The following ZNF532 variants were observed in gnomAD, a reference collection of about 807,000 sequenced individuals.
ZNF532 encodes zinc finger protein 532.
Under a neutral mutation model 89.3 loss-of-function variants are expected in ZNF532, and 22 were observed. The observed-to-expected ratio is 0.25, with a 90% CI of 0.18 to 0.35. ZNF532 has a LOEUF of 0.35. Among genes scored for constraint, ZNF532 ranks in the 10% least tolerant of loss-of-function variants. The pLI is 1.00. For synonymous variants in ZNF532, 606 were observed against 649.6 expected (o/e 0.93, Z 1.02); for missense variants, 1,132 against 1,643.4 (o/e 0.69, Z 5.38).
intron 7 of ZNF532, among the ~76,000 whole-genome samples, chr18:58,973,611 T>C (rs1257510259): frequency 6.6e-6 from 1 of 152,216 alleles, no homozygotes; most frequent in Non-Finnish European, 1.5e-5. Context: ...CAGTTTCTTA[T>C]TTAACATATG....
chr18:58,954,446 GGCTGT>G, intron 7 of ZNF532: 3 of 203,034 alleles, frequency 1.5e-5, no homozygotes, highest in Non-Finnish European at 2.6e-5. Flanking sequence ...TACAATATTA[GGCTGT>G]ATTCACATTT....
In ZNF532 at chr18:58,920,315, A is replaced by G. The variant is rs148733193; in HGVS notation, c.2028A>G (p.Gln676=). The change falls in exon 3 of 10, where the codon CAA becomes CAG. Residue 676 remains glutamine, a synonymous_variant. Transcript: ENST00000591808. ...ATAAGGAGAAAGGGGTGGTAATGCA[A>G]TGCTCCCACTTAATTTTAAAGCCAG... The part of the protein sequence containing the change: ...RGHKEKGVVM[Q]CSHLILKPVP... The G allele has an allele frequency of 9.3e-6, 15 of 1,613,864 alleles. No individual in the cohort carries two copies. Among genetic ancestry groups the G allele is most frequent in the Non-Finnish European group, 1.3e-5 (15 of 1,179,880 alleles).
chr18:58,967,346 T>A (rs562621168), intron 7 of ZNF532, among the ~76,000 whole-genome samples: 1 of 152,312 alleles, frequency 6.6e-6, no homozygotes, highest in African/African-American at 2.4e-5. Context: ...TGCCTCCTTT[T>A]CCACCTCTCC....
chr18:58,949,397 T>G (rs1191412642), intron 6 of ZNF532, among the ~76,000 whole-genome samples: 1 of 152,222 alleles, frequency 6.6e-6, no homozygotes, highest in Non-Finnish European at 1.5e-5. Context: ...AGTTTTGCTC[T>G]TTTAAAAATA....
intron 3 of ZNF532, among the ~76,000 whole-genome samples, chr18:58,923,776 T>C (rs1210240951): frequency 6.6e-6 from 1 of 152,206 alleles, no homozygotes; most frequent in Non-Finnish European, 1.5e-5. Context: ...ACATGACTGC[T>C]TACAAATCTA....
At chr18:58,883,587 A>G (rs930260778) in intron 2 of ZNF532, among the ~76,000 whole-genome samples, 2 of 152,186 alleles carry the variant, frequency 1.3e-5, no homozygotes, top group Non-Finnish European at 2.9e-5. Flanking sequence ...AGTAGGATTA[A>G]GTATTGGTGG....
chr18:58,963,520 A>G (rs2065570377), intron 7 of ZNF532, among the ~76,000 whole-genome samples: 1 of 151,938 alleles, frequency 6.6e-6, no homozygotes, highest in Non-Finnish European at 1.5e-5. Flanking sequence ...TGCATTTCCT[A>G]GTTTGGGACC....
rs1177937865 is a variant in ZNF532 at position 58,981,461 on chromosome 18, A to T, written c.3264-9A>T. Reference sequence around the variant, plus strand: ...CAAGTGCGTTATCTCCTTGCCTTTCACCCCACAGGCACTGCCCAGACTCCA... The same window carrying T: ...CAAGTGCGTTATCTCCTTGCCTTTCTCCCCACAGGCACTGCCCAGACTCCA... On this transcript the variant is annotated splice_polypyrimidine_tract_variant and intron_variant, in intron 8 of 9. Transcript: ENST00000591808. 6.2e-7 allele frequency: 1 copy of T among 1,609,018 alleles called. No homozygotes were observed. The highest frequency in any genetic ancestry group is 1.3e-5 in the African/African-American group (1 of 74,540).
intron 7 of ZNF532, among the ~76,000 whole-genome samples, chr18:58,959,556 G>T (rs914630620): frequency 1.3e-5 from 2 of 152,040 alleles, no homozygotes; most frequent in African/African-American, 2.4e-5. Context: ...TCGGCCTCAA[G>T]ATTCTTCATG....
chr18:58,933,108 A>G (rs1216006514), intron 3 of ZNF532, among the ~76,000 whole-genome samples: 28 of 152,148 alleles, frequency 1.8e-4, no homozygotes, highest in Admixed American at 1.7e-3. Context: ...ATCTGTTATT[A>G]ATGAATCTGT....
chr18:58,944,508 C>T (rs1371843726), intron 5 of ZNF532, among the ~76,000 whole-genome samples: 2 of 152,132 alleles, frequency 1.3e-5, no homozygotes, highest in African/African-American at 4.8e-5. Context: ...TCTCTGGCCA[C>T]TCCCACACCC....
chr18:58,951,654 T>TTTTGG (rs1335971746), intron 6 of ZNF532, among the ~76,000 whole-genome samples: 13 of 136,182 alleles, frequency 9.5e-5, no homozygotes, highest in Non-Finnish European at 9.4e-5. Context: ...TTGTTTTTTT[T>TTTTGG]TTTTTTTTTT....
chr18:58,902,200 A>C (rs1397481138), intron 2 of ZNF532, among the ~76,000 whole-genome samples: 2 of 151,864 alleles, frequency 1.3e-5, no homozygotes, highest in Non-Finnish European at 2.9e-5. Flanking sequence ...CTGTGTCAGC[A>C]TGGTGTGGAG....
At chr18:58,888,858 AT>A (rs1398609784) in intron 2 of ZNF532, among the ~76,000 whole-genome samples, 8 of 41,374 alleles carry the variant, frequency 1.9e-4, no homozygotes, top group African/African-American at 1.1e-3. Context: ...TATATAATTT[AT>A]ATATATATAA....
At chr18:58,864,229 A>AG (rs1481345788), upstream of ZNF532, 12 of 152,298 alleles carry the variant, frequency 7.9e-5, 1 homozygote, top group South Asian at 6.3e-4. Context: ...GCTTGAAAGA[A>AG]GAGAAGGTTG....
chr18:58,942,914 C>T (rs373915645), intron 5 of ZNF532, among the ~76,000 whole-genome samples: 24 of 152,256 alleles, frequency 1.6e-4, no homozygotes, highest in Middle Eastern at 3.4e-3. Flanking sequence ...ACCTCTCACC[C>T]GTTTTTCTTA....
chr18:58,966,719 A>G (rs558736704), intron 7 of ZNF532, among the ~76,000 whole-genome samples: 112 of 150,556 alleles, frequency 7.4e-4, no homozygotes, highest in African/African-American at 2.7e-3. Context: ...GTGTATAGCC[A>G]GAAAAGGCAT....
intron 3 of ZNF532, among the ~76,000 whole-genome samples, chr18:58,923,363 A>C (rs1201976882): frequency 6.7e-6 from 1 of 150,372 alleles, no homozygotes; most frequent in Non-Finnish European, 1.5e-5. Context: ...ATTTTCCCAG[A>C]CTCAGCCAGA....
At chr18:58,969,571 A>T (rs1426909860) in intron 7 of ZNF532, among the ~76,000 whole-genome samples, 3 of 152,114 alleles carry the variant, frequency 2.0e-5, no homozygotes, top group African/African-American at 4.8e-5. Context: ...GGTTGATTAT[A>T]CCTACTGGTG....
Sources: gnomAD v4.1 joint callset for allele counts (sites outside exome capture counted in the v4.1 genomes callset) on GRCh38, gnomAD v4.1.1 for gene constraint, MANE v1.5 for transcripts, NCBI Gene and HGNC (gene_info 2026-07-23, HGNC 2026-07-21) for gene names.